Variants in LCORL observed in about 807,000 individuals in gnomAD.
LCORL encodes the protein ligand-dependent nuclear receptor corepressor-like protein.
Under a neutral mutation model 141.8 loss-of-function variants are expected in LCORL, and 41 were observed. The ratio of observed to expected loss-of-function variants is 0.29; its 90% CI spans 0.23 to 0.38. The LOEUF is 0.38. Among genes scored for constraint, LCORL ranks in the 10% least tolerant of loss-of-function variants. The pLI is 1.00. For missense variants in LCORL, 1,759 were observed against 2,035.0 expected, an observed-to-expected ratio of 0.86 and a Z score of 2.61; for synonymous variants, 618 against 694.1, an observed-to-expected ratio of 0.89 and a Z score of 1.72.
intron 4 of LCORL, among the ~76,000 whole-genome samples, chr4:17,916,952 T>C (rs1445258463): frequency 6.6e-6 from 1 of 152,024 alleles, no homozygotes; most frequent in African/African-American, 2.4e-5. Context: ...CTTTTCTTTA[T>C]AGATTACTCA....
intron 1 of LCORL, among the ~76,000 whole-genome samples, chr4:17,978,593 AAAG>A (rs1717411450): frequency 6.6e-6 from 1 of 152,176 alleles, no homozygotes; most frequent in East Asian, 1.9e-4. Flanking sequence ...AAAAAAAAAA[AAAG>A]TTTAGCTTTC....
intron 4 of LCORL, among the ~76,000 whole-genome samples, chr4:17,924,875 G>A (rs1734874533): frequency 6.6e-6 from 1 of 152,154 alleles, no homozygotes; most frequent in African/African-American, 2.4e-5. Flanking sequence ...CTAGGGCGAA[G>A]TTCTCCAGAA....
At chr4:17,978,998 T>C (rs777298086) in intron 1 of LCORL, among the ~76,000 whole-genome samples, 6 of 152,212 alleles carry the variant, frequency 3.9e-5, no homozygotes, top group African/African-American at 9.7e-5. Context: ...ATGTGCCATG[T>C]TGGCGTGCTG....
intron 5 of LCORL, among the ~76,000 whole-genome samples, chr4:17,886,739 T>C (rs1026444041): frequency 5.3e-5 from 8 of 152,074 alleles, no homozygotes; most frequent in Non-Finnish European, 1.2e-4. Context: ...ATTGTGCTTA[T>C]ATCTACGACT....
At chr4:17,888,064 T>C (rs992010442) in intron 5 of LCORL, among the ~76,000 whole-genome samples, 2 of 152,122 alleles carry the variant, frequency 1.3e-5, no homozygotes, top group Non-Finnish European at 2.9e-5. Context: ...TAGTTGTTCA[T>C]ATACCCACCA....
chr4:17,941,741 T>G (rs1286637481), intron 4 of LCORL, among the ~76,000 whole-genome samples: 1 of 152,180 alleles, frequency 6.6e-6, no homozygotes, highest in Non-Finnish European at 1.5e-5. Context: ...GTCAAGCAAT[T>G]TACTCTAGAT....
intron 1 of LCORL, among the ~76,000 whole-genome samples, chr4:18,017,168 A>G (rs546664971): frequency 6.6e-6 from 1 of 152,262 alleles, no homozygotes; most frequent in Non-Finnish European, 1.5e-5. Context: ...TAACCACTGA[A>G]TAAAATTAAA....
At chr4:18,002,871 G>A (rs1448796550) in intron 1 of LCORL, among the ~76,000 whole-genome samples, 1 of 152,100 alleles carries the variant, frequency 6.6e-6, no homozygotes, top group Admixed American at 6.5e-5. Flanking sequence ...AGTTTGCATG[G>A]GGTTGGTATA....
intron 5 of LCORL, among the ~76,000 whole-genome samples, chr4:17,891,214 T>C (rs902322704): frequency 2.0e-4 from 30 of 152,266 alleles, no homozygotes; most frequent in Non-Finnish European, 3.1e-4. Flanking sequence ...AATAGGTTTA[T>C]TAATGTGCAA....
At chr4:18,007,546 C>T (rs1383296145) in intron 1 of LCORL, among the ~76,000 whole-genome samples, 1 of 152,012 alleles carries the variant, frequency 6.6e-6, no homozygotes, top group Non-Finnish European at 1.5e-5. Flanking sequence ...TTGTTTTCCC[C>T]AGGAGATTGT....
rs200536965 is a variant in LCORL at position 17,972,901 on chromosome 4, G to A, written c.155-16C>T. On this transcript the variant is annotated splice_polypyrimidine_tract_variant and intron_variant, in intron 1 of 7. Transcript: ENST00000635767. ...CTCTCAAAACCTGTGTTTTTAGAGA[G>A]AGAAAAGTATATTAACTACTAGAAA... 3.2e-4 allele frequency: 417 copies of A among 1,311,714 alleles called. 3 individuals are homozygous for A. The highest frequency in any genetic ancestry group is 1.9e-4 in the Non-Finnish European group (193 of 993,048). 81.3% of individuals were successfully genotyped at this position (1,311,714 alleles called of 1,614,324 possible).
At position 17,879,553 on chromosome 4, in the gene LCORL, G is replaced by A. The variant is rs117772174; in HGVS notation, c.777-1340C>T. Among the ~76,000 whole-genome samples, 99 of 151,012 alleles carry A rather than the reference G, an allele frequency of 6.6e-4. 1 individual carries two copies. The East Asian group carries it at 0.019, about 29-fold the overall frequency. On this transcript the variant is annotated intron_variant, in intron 6 of 7. Transcript: ENST00000635767. ...ATGACCCCAGTATCCTTTCCTTTTTGAAAATAATTTTTTATAAACTTTGTC... is the reference window on the plus strand; with the variant it reads ...ATGACCCCAGTATCCTTTCCTTTTTAAAAATAATTTTTTATAAACTTTGTC...
rs117980644 is a variant in LCORL, at chr4:17,910,242, T to C, written c.431-897A>G. Among the ~76,000 whole-genome samples the C allele has an allele frequency of 6.2e-4, 94 of 152,290 alleles. 1 individual carries two copies. The East Asian group carries it at 0.012, about 20-fold the overall frequency. ...GATCACTTATATACACAGTGCACAATAGCGATACAGAGATTTAGTATTGGG... is the reference window on the plus strand; with the variant it reads ...GATCACTTATATACACAGTGCACAACAGCGATACAGAGATTTAGTATTGGG... On this transcript the variant is annotated intron_variant, in intron 4 of 7. Transcript: ENST00000635767.
chr4:17,939,900 G>A (rs1737554773), intron 4 of LCORL, among the ~76,000 whole-genome samples: 1 of 110,132 alleles, frequency 9.1e-6, no homozygotes, highest in African/African-American at 4.7e-5. Flanking sequence ...ACACATATAT[G>A]TATATATACA....
At chr4:17,882,475 C>G in intron 6 of LCORL, 1 of 984,632 alleles carries the variant, frequency 1.0e-6, no homozygotes, top group Non-Finnish European at 1.2e-6. Flanking sequence ...AATGACCAGT[C>G]TCTCTTATGA....
chr4:17,855,267 A>AT (rs1176772741), intron 7 of LCORL, among the ~76,000 whole-genome samples: 1 of 152,216 alleles, frequency 6.6e-6, no homozygotes, highest in Non-Finnish European at 1.5e-5. Flanking sequence ...ATAATAAGGT[A>AT]TTCAAATACC....
At chr4:17,965,506 A>G (rs1372926179) in intron 2 of LCORL, among the ~76,000 whole-genome samples, 2 of 152,196 alleles carry the variant, frequency 1.3e-5, no homozygotes, top group African/African-American at 4.8e-5. Context: ...TAAATTATAT[A>G]TCTTATAGAA....
intron 4 of LCORL, among the ~76,000 whole-genome samples, chr4:17,932,074 T>A (rs941121705): frequency 1.3e-5 from 2 of 152,188 alleles, no homozygotes; most frequent in Non-Finnish European, 2.9e-5. Context: ...TGGGTAACAT[T>A]AGAATTAATC....
rs1477178477 is a variant in LCORL at position 18,021,041 on chromosome 4, G to A, written c.154+557C>T. ...CCCCCGCCGCCCCTCGCCCCCAGCC[G>A]GCCCATCAGCGGCCCCCGCCCTGCG... On this transcript the variant is annotated intron_variant, in intron 1 of 7. Coordinates refer to ENST00000635767, the Ensembl canonical transcript of LCORL. The surrounding 1 kb of genome is among the most constrained non-coding windows in gnomAD (Gnocchi z 5.5). Among the ~76,000 whole-genome samples, 2 of 151,664 alleles carry A rather than the reference G, an allele frequency of 1.3e-5. No individual in the cohort carries two copies. The highest frequency in any genetic ancestry group is 4.8e-5 in the African/African-American group (2 of 41,360).
Sources: allele counts gnomAD v4.1 joint callset (sites outside exome capture counted in the v4.1 genomes callset), GRCh38; gene constraint gnomAD v4.1.1; non-coding constraint Gnocchi (gnomAD v3.1); transcripts MANE v1.5; gene names NCBI Gene and HGNC (gene_info 2026-07-23, HGNC 2026-07-21).